C12orf42: variants seen among roughly 807,000 people sequenced by gnomAD.
The protein encoded by C12orf42 is chromosome 12 open reading frame 42, also known as uncharacterized protein C12orf42.
In C12orf42, 25 loss-of-function variants were observed where a neutral mutation model predicts 21.6. That is an observed-to-expected ratio of 1.16 (90% CI 0.84 to 1.62). The LOEUF is 1.62. Among genes scored for constraint, C12orf42 ranks in the 40% most tolerant of loss-of-function variants. The probability of loss-of-function intolerance (pLI) is 0.00; values close to 1 mark genes in which losing one functional copy is unlikely to be tolerated. For missense variants in C12orf42, 483 were observed against 459.3 expected, an observed-to-expected ratio of 1.05 and a Z score of -0.47; for synonymous variants, 174 against 175.0, an observed-to-expected ratio of 0.99 and a Z score of 0.05.
chr12:103,517,148 T>A, the C12orf42 span, among the ~76,000 whole-genome samples: 1 of 152,380 alleles, frequency 6.6e-6, no homozygotes, highest in South Asian at 2.1e-4. Context: ...CTGGATAGGA[T>A]AAAACACAGG....
At chr12:103,439,482 G>A (rs1951024504) in intron 2 of C12orf42, among the ~76,000 whole-genome samples, 1 of 85,516 alleles carries the variant, frequency 1.2e-5, no homozygotes, top group Non-Finnish European at 2.4e-5. Flanking sequence ...CCTACAAAAT[G>A]GGAGAAAATT....
chr12:103,432,104 T>G (rs1231336788), intron 2 of C12orf42, among the ~76,000 whole-genome samples: 1 of 152,186 alleles, frequency 6.6e-6, no homozygotes, highest in Non-Finnish European at 1.5e-5. Flanking sequence ...GCTGTCCACA[T>G]GTGTAGTGTG....
At chr12:103,434,688 C>T (rs1010531185) in intron 2 of C12orf42, among the ~76,000 whole-genome samples, 9 of 152,306 alleles carry the variant, frequency 5.9e-5, no homozygotes, top group African/African-American at 1.7e-4. Flanking sequence ...TTGCGCTTTT[C>T]GGACCGGCTT....
rs1196500008 is a variant in C12orf42 at position 103,482,020 on chromosome 12, G to A, written c.-21-3573C>T. Among the ~76,000 whole-genome samples the A allele has an allele frequency of 2.0e-5, 3 of 151,918 alleles. No homozygotes were observed. The East Asian group carries it at 5.8e-4, about 29-fold the overall frequency. On this transcript the variant is annotated intron_variant, in intron 1 of 5. Transcript: ENST00000548883. ...TGGACCACCCACTGCCAAATTCAAA[G>A]CTGTTGTTGTCCAATATTTTAGCTG...
the C12orf42 span, among the ~76,000 whole-genome samples, chr12:103,516,165 A>G: frequency 6.6e-6 from 1 of 152,234 alleles, no homozygotes; most frequent in Non-Finnish European, 1.5e-5. Context: ...ACTAAAGGAC[A>G]TAATATAATC....
intron 2 of C12orf42, among the ~76,000 whole-genome samples, chr12:103,465,185 T>C (rs537718133): frequency 6.6e-6 from 1 of 152,306 alleles, no homozygotes; most frequent in South Asian, 2.1e-4. Flanking sequence ...TATAAATTAC[T>C]TTGAGTAGTA....
At chr12:103,305,919 A>G (rs2038249886) in intron 5 of C12orf42, 55 bp downstream of exon 5, 4 of 1,540,122 alleles carry the variant, frequency 2.6e-6, no homozygotes, top group Non-Finnish European at 2.6e-6. Context: ...GAAGTTAAAA[A>G]CAAAATGTGA....
intron 2 of C12orf42, among the ~76,000 whole-genome samples, chr12:103,438,204 CA>C (rs1200834341): frequency 6.7e-6 from 1 of 148,774 alleles, no homozygotes; most frequent in Non-Finnish European, 1.5e-5. Flanking sequence ...CAAAATTCAA[CA>C]ACCCTTCATG....
chr12:103,104,589 C>T, the C12orf42 span, among the ~76,000 whole-genome samples: 156 of 152,298 alleles, frequency 1.0e-3, 6 homozygotes, highest in South Asian at 0.031. Flanking sequence ...TACAGGCATG[C>T]GCCACCATGC....
intron 4 of C12orf42, among the ~76,000 whole-genome samples, chr12:103,296,282 G>A (rs2037277798): frequency 1.3e-5 from 2 of 151,948 alleles, no homozygotes; most frequent in African/African-American, 2.4e-5. Flanking sequence ...ATTTGGGTTG[G>A]TTCCAAGTCT....
intron 3 of C12orf42, among the ~76,000 whole-genome samples, chr12:103,393,350 A>G: frequency 6.6e-6 from 1 of 152,160 alleles, no homozygotes; most frequent in East Asian, 1.9e-4. Flanking sequence ...GAGGTGCCAC[A>G]CTTTACAACA....
chr12:103,155,775 A>G, the C12orf42 span, among the ~76,000 whole-genome samples: 1 of 150,972 alleles, frequency 6.6e-6, no homozygotes, highest in Non-Finnish European at 1.5e-5. Context: ...GTATATATAC[A>G]TATAGTAAAA....
At chr12:103,524,333 G>A in the C12orf42 span, among the ~76,000 whole-genome samples, 3 of 152,156 alleles carry the variant, frequency 2.0e-5, no homozygotes, top group African/African-American at 7.2e-5. Context: ...TCAAAGAGTT[G>A]GCAAGAACAG....
chr12:103,370,862 T>A (rs2045154366), intron 3 of C12orf42, among the ~76,000 whole-genome samples: 1 of 152,090 alleles, frequency 6.6e-6, no homozygotes, highest in Admixed American at 6.6e-5. Context: ...AACCTGCACT[T>A]GTACTCCTGA....
chr12:103,118,301 T>A, the C12orf42 span, among the ~76,000 whole-genome samples: 4 of 152,126 alleles, frequency 2.6e-5, no homozygotes, highest in Non-Finnish European at 4.4e-5. Flanking sequence ...AATGAATGAA[T>A]GAAACAATGA....
intron 1 of C12orf42, among the ~76,000 whole-genome samples, chr12:103,479,846 TTTG>T (rs1331860432): frequency 6.6e-6 from 1 of 152,018 alleles, no homozygotes; most frequent in African/African-American, 2.4e-5. Flanking sequence ...CTAAATTTTG[TTTG>T]TTAATATTTT....
chr12:103,447,378 G>A (rs915019202), intron 2 of C12orf42, among the ~76,000 whole-genome samples: 7 of 151,838 alleles, frequency 4.6e-5, no homozygotes, highest in African/African-American at 1.7e-4. Flanking sequence ...CCTGAGAATC[G>A]GAACAAGACA....
chr12:103,237,543 T>C (rs1253578263), downstream of C12orf42: 4 of 152,196 alleles, frequency 2.6e-5, no homozygotes. Flanking sequence ...ATAGCAGGTG[T>C]ATTGGTTAGC....
At chr12:103,429,401 A>G (rs1210822038) in intron 2 of C12orf42, among the ~76,000 whole-genome samples, 2 of 152,168 alleles carry the variant, frequency 1.3e-5, no homozygotes, top group Admixed American at 6.5e-5. Flanking sequence ...ACCTAGGAAT[A>G]TAACTTCCAA....
Sources: gnomAD v4.1 joint callset for allele counts (sites outside exome capture counted in the v4.1 genomes callset) on GRCh38, gnomAD v4.1.1 for gene constraint, MANE v1.5 for transcripts, NCBI Gene and HGNC (gene_info 2026-07-23, HGNC 2026-07-21) for gene names.